Variants in FOXP2 observed in about 807,000 individuals in gnomAD.
The protein encoded by FOXP2 is forkhead box protein P2.
FOXP2 carries 12 observed loss-of-function variants against 115.8 expected under a neutral mutation model. The observed-to-expected ratio is 0.10, with a 90% CI of 0.07 to 0.17. The LOEUF (loss-of-function observed/expected upper bound fraction) is 0.17. Among genes scored for constraint, FOXP2 ranks in the 10% least tolerant of loss-of-function variants. The pLI is 1.00. For synonymous variants in FOXP2, 328 were observed against 297.7 expected (o/e 1.10, Z -1.05); for missense variants, 629 against 843.5 (o/e 0.75, Z 3.15).
intron 1 of FOXP2, among the ~76,000 whole-genome samples, chr7:114,421,172 A>C (rs184693171): frequency 6.6e-6 from 1 of 151,716 alleles, no homozygotes; most frequent in Non-Finnish European, 1.5e-5. Flanking sequence ...GTGAAATAGC[A>C]TAGGGATTAA....
In FOXP2 at chr7:114,223,508, A is replaced by AAT. The variant is rs1412769219; in HGVS notation, c.-102+60430_-102+60431dup. On this transcript the variant is annotated intron_variant, in intron 1 of 17. Transcript: ENST00000634411. The stretch of plus-strand genomic sequence containing the variant: ...TATACATTATATATATATTATATAT[A>AAT]ATATATATATAATATGTATATATAT... Among the ~76,000 whole-genome samples the AAT allele has an allele frequency of 6.8e-5, 10 of 147,320 alleles. No homozygotes were observed. The South Asian group carries it at 8.4e-4, about 12-fold the overall frequency.
chr7:114,415,080 G>A lies in FOXP2; in HGVS notation c.-291G>A, dbSNP rs1455141683. 4 of 454,072 alleles carry A rather than the reference G, an allele frequency of 8.8e-6. No individual in the cohort carries two copies. Among genetic ancestry groups the A allele is most frequent in the Non-Finnish European group, 1.8e-5 (4 of 226,670 alleles). 28.1% of individuals were successfully genotyped at this position (454,072 alleles called of 1,614,324 possible). A position where few individuals can be genotyped will look rare whatever the true frequency, so the allele number is the denominator to read the frequency against. On this transcript the variant is annotated 5_prime_UTR_variant, in exon 1 of 17. Transcript: ENST00000350908. The stretch of plus-strand genomic sequence containing the variant: ...CTGATTTTGTGTACGATTGTCCACG[G>A]ACGCCAAAACAATCACAGAGCTGCT...
intron 2 of FOXP2, among the ~76,000 whole-genome samples, chr7:114,341,268 C>G (rs1791205982): frequency 6.6e-6 from 1 of 151,110 alleles, no homozygotes; most frequent in Admixed American, 6.6e-5. Context: ...ATAAAATATG[C>G]CTAAATGCAA....
intron 3 of FOXP2, among the ~76,000 whole-genome samples, chr7:114,545,535 A>G (rs758017025): frequency 6.6e-6 from 1 of 152,148 alleles, no homozygotes; most frequent in South Asian, 2.1e-4. Context: ...ACTCCTCAGT[A>G]TATATCTGCT....
chr7:114,209,343 G>T (rs1005405824), intron 1 of FOXP2, among the ~76,000 whole-genome samples: 1 of 152,142 alleles, frequency 6.6e-6, no homozygotes, highest in Admixed American at 6.6e-5. Context: ...TCAGTCTTGG[G>T]TATGTCGTTA....
chr7:114,492,624 T>C (rs868547800), intron 2 of FOXP2, among the ~76,000 whole-genome samples: 1 of 152,186 alleles, frequency 6.6e-6, no homozygotes, highest in African/African-American at 2.4e-5. Context: ...TTTGTTCTCG[T>C]TGGTGTCAAA....
chr7:114,400,191 T>TG (rs1554384789), intron 2 of FOXP2, among the ~76,000 whole-genome samples: 94 of 152,046 alleles, frequency 6.2e-4, no homozygotes, highest in Middle Eastern at 3.4e-3. Context: ...ATTTATGTTT[T>TG]TTGTTGTTGT....
intron 2 of FOXP2, among the ~76,000 whole-genome samples, chr7:114,343,173 AT>A (rs1388955055): frequency 6.6e-6 from 1 of 151,094 alleles, no homozygotes; most frequent in Admixed American, 6.6e-5. Flanking sequence ...ATTACAGCAC[AT>A]TTTTTTTCTC....
At chr7:114,487,900 A>T (rs1037132328) in intron 2 of FOXP2, among the ~76,000 whole-genome samples, 2 of 152,178 alleles carry the variant, frequency 1.3e-5, no homozygotes, top group African/African-American at 2.4e-5. Flanking sequence ...TGAGCCCTCC[A>T]AACTGTTCCA....
In FOXP2 at chr7:114,267,957, T is replaced by C. The variant is rs539044008; in HGVS notation, c.-101-20062T>C. On this transcript the variant is annotated intron_variant, in intron 1 of 17. Coordinates refer to the FOXP2 transcript ENST00000634411. ...TACCCATTAAGCAATAATATACTTC[T>C]CATTTCCTTCTCTCTCAAGTCCCTA... Among the ~76,000 whole-genome samples, 13 of 152,106 alleles carry C rather than the reference T, an allele frequency of 8.5e-5. No individual in the cohort carries two copies. The South Asian group carries it at 2.5e-3, about 29-fold the overall frequency.
At chr7:114,590,616 T>A (rs1452297838) in intron 3 of FOXP2, among the ~76,000 whole-genome samples, 1 of 152,200 alleles carries the variant, frequency 6.6e-6, no homozygotes, top group Admixed American at 6.5e-5. Flanking sequence ...GAGCCATTTA[T>A]GAACTTTTAG....
intron 7 of FOXP2, among the ~76,000 whole-genome samples, 178 bp from the exon 8 acceptor site, chr7:114,644,507 C>T (rs1442598228): frequency 1.3e-5 from 2 of 152,172 alleles, no homozygotes; most frequent in African/African-American, 2.4e-5. Context: ...CTAATTGGAA[C>T]ATCATCTAGC....
chr7:114,565,754 A>G (rs182454040), intron 3 of FOXP2, among the ~76,000 whole-genome samples: 1 of 152,256 alleles, frequency 6.6e-6, no homozygotes, highest in Admixed American at 6.5e-5. Flanking sequence ...TCACAAAAGA[A>G]AGTAAGACAA....
At chr7:114,321,392 G>A (rs1797419464) in intron 2 of FOXP2, among the ~76,000 whole-genome samples, 1 of 152,036 alleles carries the variant, frequency 6.6e-6, no homozygotes, top group South Asian at 2.1e-4. Context: ...TAGAGACGGG[G>A]TTTCACTGTG....
intron 2 of FOXP2, among the ~76,000 whole-genome samples, chr7:114,406,478 T>A (rs897504512): frequency 6.6e-6 from 1 of 151,994 alleles, no homozygotes; most frequent in Non-Finnish European, 1.5e-5. Context: ...ATTTGAATCC[T>A]TATCATATGC....
At chr7:114,277,183 T>C (rs1796210819) in intron 1 of FOXP2, among the ~76,000 whole-genome samples, 1 of 152,182 alleles carries the variant, frequency 6.6e-6, no homozygotes, top group Admixed American at 6.5e-5. Context: ...GGTTGAATCA[T>C]TGAGAAACAT....
At position 114,691,316 on chromosome 7, in the gene FOXP2, A is replaced by G; in HGVS notation, c.*1390A>G. ...AAACATAAAAGGTCTAGTAAAGCCA[A>G]AAATTAATTTCATATTGATTTTAAA... On this transcript the variant is annotated 3_prime_UTR_variant, in exon 17 of 17. Transcript: ENST00000350908. 1 of 453,030 alleles carries G rather than the reference A, an allele frequency of 2.2e-6. No individual in the cohort carries two copies. Among genetic ancestry groups the G allele is most frequent in the Non-Finnish European group, 4.4e-6 (1 of 226,496 alleles). The allele number at this position is 453,030 out of a possible 1,614,324, so 28.1% of individuals were successfully genotyped here.
chr7:114,596,013 C>A (rs948895758), intron 3 of FOXP2, among the ~76,000 whole-genome samples: 6 of 151,986 alleles, frequency 3.9e-5, no homozygotes, highest in Non-Finnish European at 8.8e-5. Flanking sequence ...ATTTCAACTT[C>A]TTTTTCCTTA....
intron 1 of FOXP2, among the ~76,000 whole-genome samples, chr7:114,421,149 C>T (rs1319413634): frequency 1.3e-5 from 2 of 151,556 alleles, no homozygotes; most frequent in African/African-American, 4.8e-5. Context: ...TCAAATTCTT[C>T]ATTGCACTTT....
Sources: gnomAD v4.1 joint callset for allele counts (sites outside exome capture counted in the v4.1 genomes callset) on GRCh38, gnomAD v4.1.1 for gene constraint, MANE v1.5 for transcripts, NCBI Gene and HGNC (gene_info 2026-07-23, HGNC 2026-07-21) for gene names.